DDX31: variants seen among roughly 807,000 people sequenced by gnomAD.
The protein encoded by DDX31 is ATP-dependent DNA helicase DDX31.
In DDX31, 70 loss-of-function variants were observed where a neutral mutation model predicts 91.3. The ratio of observed to expected loss-of-function variants is 0.77; its 90% confidence interval spans 0.63 to 0.94. The LOEUF is 0.94. Ranked by LOEUF, DDX31 falls within the 40% of genes least tolerant of loss-of-function variation. The pLI is 0.00. For synonymous variants in DDX31, 362 were observed against 350.6 expected (o/e 1.03, Z -0.36); for missense variants, 902 against 925.0 (o/e 0.98, Z 0.32).
chr9:132,625,164 T>C (rs943641367), intron 17 of DDX31, among the ~76,000 whole-genome samples: 1 of 152,112 alleles, frequency 6.6e-6, no homozygotes, highest in Non-Finnish European at 1.5e-5. Context: ...TGGAACTGCA[T>C]GGATAATAAA....
chr9:132,647,316 G>A (rs954837132), intron 11 of DDX31, among the ~76,000 whole-genome samples: 3 of 151,914 alleles, frequency 2.0e-5, no homozygotes, highest in South Asian at 2.1e-4. Flanking sequence ...CAGATACTGC[G>A]CCCACCCCCA....
At chr9:132,621,826 T>C (rs1832050027) in intron 17 of DDX31, among the ~76,000 whole-genome samples, 1 of 152,230 alleles carries the variant, frequency 6.6e-6, no homozygotes, top group Non-Finnish European at 1.5e-5. Context: ...TGATAATTAG[T>C]AACACAGTCA....
At chr9:132,658,436 G>A (rs1390520895) in intron 6 of DDX31, 10 of 694,910 alleles carry the variant, frequency 1.4e-5, no homozygotes, top group Non-Finnish European at 2.4e-5. Flanking sequence ...GACACACGGG[G>A]AGCATCTTAC....
chr9:132,665,366 TGAG>T (rs574466491), intron 1 of DDX31, among the ~76,000 whole-genome samples: 125 of 152,266 alleles, frequency 8.2e-4, no homozygotes, highest in African/African-American at 2.8e-3. Flanking sequence ...GCCAAGCCCT[TGAG>T]GAAGTTACAC....
intron 17 of DDX31, among the ~76,000 whole-genome samples, chr9:132,619,874 C>A (rs1286885336): frequency 2.0e-5 from 3 of 150,728 alleles, no homozygotes; most frequent in East Asian, 3.9e-4. Flanking sequence ...CTGTCACCTT[C>A]CCTGTGTTTT....
At position 132,669,873 on chromosome 9, in the gene DDX31, G is replaced by C. The variant is rs1385890294; in HGVS notation, c.62C>G (p.Ala21Gly). 4 of 1,591,378 alleles carry C rather than the reference G, an allele frequency of 2.5e-6. No homozygotes were observed. The highest frequency in any genetic ancestry group is 1.7e-5 in the Admixed American group (1 of 57,256). ...GTCAGAACTCACCCGACTCGCCTGG[G>C]CTGGGGGACGTCTGGAGAACGTCCT... The part of the protein sequence containing the change: ...NPRTFSRRPP[A>G]QASRQAKATK... The change falls in exon 1 of 20, where the codon GCC becomes GGC. Residue 21 changes from alanine (A) to glycine (G), a missense_variant. Physicochemically the swap from Ala to Gly is moderately conservative, Grantham distance 60. Coordinates refer to ENST00000372159, the MANE Select transcript of DDX31 (RefSeq NM_022779.9).
At chr9:132,638,982 G>A (rs1304523190) in intron 14 of DDX31, among the ~76,000 whole-genome samples, 3 of 152,114 alleles carry the variant, frequency 2.0e-5, no homozygotes, top group Non-Finnish European at 4.4e-5. Context: ...TTAACAGCAC[G>A]ATTCTTCTTT....
chr9:132,650,474 A>G (rs1834118011), intron 8 of DDX31, among the ~76,000 whole-genome samples, 176 bp from the exon 9 acceptor site: 1 of 152,250 alleles, frequency 6.6e-6, no homozygotes, highest in South Asian at 2.1e-4. Context: ...GTTCACTATC[A>G]GCAGTAACTT....
chr9:132,632,241 T>TATACAC (rs1554765289), intron 14 of DDX31, 150 bp from the exon 15 acceptor site: 6 of 94,102 alleles, frequency 6.4e-5, no homozygotes, highest in Admixed American at 1.3e-4. Context: ...CCAGTACGTG[T>TATACAC]ACACACACAC....
At chr9:132,633,060 G>A (rs980854235) in intron 14 of DDX31, among the ~76,000 whole-genome samples, 5 of 152,132 alleles carry the variant, frequency 3.3e-5, no homozygotes, top group Non-Finnish European at 4.4e-5. Flanking sequence ...CTTTACCTGC[G>A]TTATCTTGAC....
chr9:132,613,874 G>A (rs1288351387), intron 18 of DDX31, among the ~76,000 whole-genome samples: 2 of 152,122 alleles, frequency 1.3e-5, no homozygotes, highest in African/African-American at 4.8e-5. Context: ...AAAATCAAGT[G>A]TCCACCCGCT....
chr9:132,612,209 C>T lies in DDX31; in HGVS notation c.1872G>A (p.Leu624=), dbSNP rs759393060. 6 of 1,614,184 alleles carry T rather than the reference C, an allele frequency of 3.7e-6. No individual in the cohort carries two copies. In the South Asian group the frequency reaches 6.6e-5, roughly 18 times the overall value. ...GGGATCGGACGTGGAAGATGTGCTT[C>T]AGCTCCCTGGGGTAGGTGGCGTAGG... ...IQAYATYPRE[L]KHIFHVRSLH... is the part of the protein sequence containing the mutation. Residue 624 remains leucine (L), a synonymous_variant, in exon 19 of 20, where the codon CTG becomes CTA. Coordinates refer to ENST00000372159, the MANE Select transcript of DDX31 (RefSeq NM_022779.9).
intron 14 of DDX31, among the ~76,000 whole-genome samples, chr9:132,636,898 C>G (rs1833153138): frequency 6.6e-6 from 1 of 152,126 alleles, no homozygotes; most frequent in African/African-American, 2.4e-5. Flanking sequence ...GTTTGGCAAG[C>G]TGAGCCTCAG....
At chr9:132,665,494 C>T (rs1196170481) in intron 1 of DDX31, among the ~76,000 whole-genome samples, 2 of 152,148 alleles carry the variant, frequency 1.3e-5, no homozygotes, top group African/African-American at 4.8e-5. Context: ...CTAACATGGC[C>T]TCCTTCTGGC....
At chr9:132,640,332 G>T (rs1207345463) in intron 14 of DDX31, among the ~76,000 whole-genome samples, 1 of 152,110 alleles carries the variant, frequency 6.6e-6, no homozygotes, top group Non-Finnish European at 1.5e-5. Flanking sequence ...ATGAATCAAG[G>T]CCCCAAAGCT....
At chr9:132,627,966 C>A (rs1277207985) in intron 16 of DDX31, among the ~76,000 whole-genome samples, 2 of 152,218 alleles carry the variant, frequency 1.3e-5, no homozygotes, top group African/African-American at 4.8e-5. Flanking sequence ...ATTCTAGAAA[C>A]TTTCCAGTCT....
intron 19 of DDX31, among the ~76,000 whole-genome samples, 173 bp downstream of exon 19, chr9:132,611,914 C>A (rs989698472): frequency 1.3e-5 from 2 of 152,226 alleles, no homozygotes; most frequent in East Asian, 3.9e-4. Flanking sequence ...AAAGGAGGCA[C>A]CCCTGAATTT....
intron 11 of DDX31, 41 bp downstream of exon 11, chr9:132,648,148 A>G: frequency 6.6e-7 from 1 of 1,509,292 alleles, no homozygotes; most frequent in Non-Finnish European, 9.1e-7. Context: ...CTTCCTCTTC[A>G]TTAAGAACAA....
At chr9:132,652,313 T>C in intron 7 of DDX31, 135 bp downstream of exon 7, 2 of 947,546 alleles carry the variant, frequency 2.1e-6, no homozygotes, top group Admixed American at 4.8e-5. Context: ...ACCAGAAGGA[T>C]GGTTTCCAGG....
Sources: allele counts gnomAD v4.1 joint callset (sites outside exome capture counted in the v4.1 genomes callset), GRCh38; gene constraint gnomAD v4.1.1; transcripts MANE v1.5; gene names NCBI Gene and HGNC (gene_info 2026-07-23, HGNC 2026-07-21).